SPATA16: variants seen among roughly 807,000 people sequenced by gnomAD.
The protein encoded by SPATA16 is spermatogenesis associated 16.
Under a neutral mutation model 63.3 loss-of-function variants are expected in SPATA16, and 36 were observed. That is an observed-to-expected ratio of 0.57 (90% CI 0.44 to 0.75). SPATA16 has a LOEUF of 0.75. Among genes scored for constraint, SPATA16 ranks in the 30% least tolerant of loss-of-function variants. The pLI, the probability that SPATA16 is intolerant of heterozygous loss-of-function variation, is 0.00. For missense variants in SPATA16, 646 were observed against 679.3 expected, an observed-to-expected ratio of 0.95 and a Z score of 0.54; for synonymous variants, 203 against 216.7, an observed-to-expected ratio of 0.94 and a Z score of 0.56.
At chr3:173,118,472 A>G (rs1046486074) in intron 1 of SPATA16, among the ~76,000 whole-genome samples, 1 of 152,222 alleles carries the variant, frequency 6.6e-6, no homozygotes, top group Non-Finnish European at 1.5e-5. Flanking sequence ...TGCTCAAAAT[A>G]TGTAACAGTC....
chr3:172,956,580 A>G (rs1204630894), intron 6 of SPATA16, 97 bp downstream of exon 6: 2 of 1,411,792 alleles, frequency 1.4e-6, no homozygotes, highest in Non-Finnish European at 9.7e-7. Context: ...GTGTACTCCT[A>G]AAACAGAAAC....
intron 4 of SPATA16, among the ~76,000 whole-genome samples, chr3:172,978,088 G>A (rs1038255251): frequency 2.0e-4 from 30 of 150,944 alleles, no homozygotes; most frequent in African/African-American, 7.3e-4. Context: ...ATCAATGGTG[G>A]AAACAAATAC....
intron 6 of SPATA16, among the ~76,000 whole-genome samples, chr3:172,930,775 A>G (rs929057739): frequency 1.3e-5 from 2 of 151,652 alleles, no homozygotes; most frequent in Non-Finnish European, 2.9e-5. Context: ...GATGGTCTCC[A>G]TCTCCTGACC....
At chr3:172,926,874 A>G (rs938812194) in intron 6 of SPATA16, among the ~76,000 whole-genome samples, 1 of 152,352 alleles carries the variant, frequency 6.6e-6, no homozygotes, top group African/African-American at 2.4e-5. Flanking sequence ...GATGATGAAC[A>G]GAGAGGTAAG....
Position 173,117,753 on chromosome 3 carries a change from C to T in SPATA16, c.-18-4G>A. ...CCATCGATCCTGCCCAAAACTCCTG[C>T]AGGGGGGAGAAAAAGGAAAGTAATT... is the stretch of plus-strand genomic sequence containing the variant. On this transcript the variant is annotated splice_polypyrimidine_tract_variant and splice_region_variant and intron_variant, in intron 1 of 10. Transcript: ENST00000351008. 6.2e-7 allele frequency: 1 copy of T among 1,613,970 alleles called. No individual in the cohort carries two copies. The highest frequency in any genetic ancestry group is 8.5e-7 in the Non-Finnish European group (1 of 1,179,956).
chr3:172,896,948 T>G (rs564998043), intron 10 of SPATA16, among the ~76,000 whole-genome samples: 2 of 152,120 alleles, frequency 1.3e-5, no homozygotes, highest in Non-Finnish European at 2.9e-5. Context: ...GTTTTTAATT[T>G]TGATGAAGTC....
intron 2 of SPATA16, among the ~76,000 whole-genome samples, chr3:173,074,694 A>G (rs1736748201): frequency 6.6e-6 from 1 of 152,082 alleles, no homozygotes; most frequent in African/African-American, 2.4e-5. Flanking sequence ...GATGGCAACC[A>G]TAGACACTGG....
chr3:173,030,699 C>T (rs960748094), intron 3 of SPATA16, among the ~76,000 whole-genome samples: 23 of 152,022 alleles, frequency 1.5e-4, no homozygotes, highest in African/African-American at 5.6e-4. Context: ...AATATAATTA[C>T]TACATGATCC....
intron 8 of SPATA16, among the ~76,000 whole-genome samples, chr3:172,917,238 A>C (rs1352085245): frequency 1.3e-5 from 2 of 152,248 alleles, no homozygotes; most frequent in Non-Finnish European, 2.9e-5. Flanking sequence ...TTCTATAAAA[A>C]TGTTTAATAC....
intron 4 of SPATA16, among the ~76,000 whole-genome samples, chr3:172,997,195 A>G (rs1734713322): frequency 6.6e-6 from 1 of 152,132 alleles, no homozygotes; most frequent in South Asian, 2.1e-4. Context: ...CCTTAGTTTT[A>G]TAAGAAACTG....
At chr3:173,140,237 AAC>A (rs1191094540) in intron 1 of SPATA16, among the ~76,000 whole-genome samples, 3 of 152,206 alleles carry the variant, frequency 2.0e-5, no homozygotes, top group Admixed American at 6.5e-5. Context: ...GTTGAACAAA[AAC>A]ACAATACAAA....
intron 3 of SPATA16, among the ~76,000 whole-genome samples, chr3:173,021,591 A>G (rs1735332087): frequency 6.6e-6 from 1 of 152,110 alleles, no homozygotes; most frequent in South Asian, 2.1e-4. Flanking sequence ...TCATGTTTAT[A>G]TATTTTGTCC....
intron 1 of SPATA16, among the ~76,000 whole-genome samples, chr3:173,129,837 A>T (rs1424910907): frequency 6.6e-6 from 1 of 152,130 alleles, no homozygotes; most frequent in Non-Finnish European, 1.5e-5. Flanking sequence ...CCTACCTTCC[A>T]GTGTTATCAT....
chr3:172,904,288 T>C (rs1332488614), intron 10 of SPATA16, among the ~76,000 whole-genome samples: 1 of 152,240 alleles, frequency 6.6e-6, no homozygotes, highest in Non-Finnish European at 1.5e-5. Context: ...CTTGTTCCAA[T>C]TGTGATAGTT....
chr3:173,079,850 C>CT (rs1473300493), intron 2 of SPATA16, among the ~76,000 whole-genome samples: 1 of 144,442 alleles, frequency 6.9e-6, no homozygotes, highest in African/African-American at 2.7e-5. Flanking sequence ...TACTCTTCTA[C>CT]TGTTTTTTTT....
intron 2 of SPATA16, among the ~76,000 whole-genome samples, chr3:173,093,668 A>T (rs1737277915): frequency 6.6e-6 from 1 of 152,198 alleles, no homozygotes. Context: ...GAAGTTATGT[A>T]TTTGAGACAG....
chr3:173,118,978 T>A (rs1224359997), intron 1 of SPATA16, among the ~76,000 whole-genome samples: 1 of 152,190 alleles, frequency 6.6e-6, no homozygotes, highest in Non-Finnish European at 1.5e-5. Context: ...AAATCGTGAG[T>A]CACTTCTCAA....
Position 173,092,101 on chromosome 3 carries a change from G to A in SPATA16, c.612+25019C>T, listed in dbSNP as rs1248535988. ...AAGACCCATCTGGATCAGCCCTGTG[G>A]GATAAGCAGAATTGATGCAAATATG... On this transcript the variant is annotated intron_variant, in intron 2 of 10. Coordinates refer to ENST00000351008, the MANE Select transcript of SPATA16 (RefSeq NM_031955.6). Among the ~76,000 whole-genome samples, 191 of 152,178 alleles carry A rather than the reference G, an allele frequency of 1.3e-3. 2 individuals carry two copies. The highest frequency in any genetic ancestry group is 2.1e-4 in the Non-Finnish European group (14 of 67,998).
At chr3:172,899,875 G>T (rs6788668) in intron 10 of SPATA16, among the ~76,000 whole-genome samples, 8,811 of 151,978 alleles carry the variant, frequency 0.058, 502 homozygotes, top group African/African-American at 0.15. Flanking sequence ...TCATTGCTTT[G>T]TCTCTTCACC....
Sources: gnomAD v4.1 joint callset for allele counts (sites outside exome capture counted in the v4.1 genomes callset) on GRCh38, gnomAD v4.1.1 for gene constraint, MANE v1.5 for transcripts, NCBI Gene and HGNC (gene_info 2026-07-23, HGNC 2026-07-21) for gene names.